Variants in TMPRSS2 observed in about 807,000 individuals in gnomAD.
The protein encoded by TMPRSS2 is transmembrane serine protease 2.
In TMPRSS2, 59 loss-of-function variants were observed where a neutral mutation model predicts 67.4. The observed-to-expected ratio is 0.88, with a 90% CI of 0.71 to 1.09. The LOEUF (loss-of-function observed/expected upper bound fraction) is 1.09. Ranked by LOEUF, TMPRSS2 falls within the 50% of genes least tolerant of loss-of-function variation. The probability of loss-of-function intolerance (pLI) is 0.00; values close to 1 mark genes in which losing one functional copy is unlikely to be tolerated. For missense variants in TMPRSS2, 668 were observed against 642.7 expected (o/e 1.04, Z -0.43); for synonymous variants, 257 against 257.0 (o/e 1.00, Z 0.00).
At chr21:41,498,435 A>G (rs951711094) in intron 1 of TMPRSS2, among the ~76,000 whole-genome samples, 1 of 152,170 alleles carries the variant, frequency 6.6e-6, no homozygotes, top group Non-Finnish European at 1.5e-5. Flanking sequence ...CAGAGTGGGT[A>G]GGAGGATGGG....
chr21:41,498,253 G>A (rs2146494931), intron 1 of TMPRSS2, 64 bp from the exon 2 acceptor site: 4 of 1,126,096 alleles, frequency 3.6e-6, no homozygotes, highest in Non-Finnish European at 5.2e-6. Context: ...AGATAAATCT[G>A]GAAAGAACTA....
intron 10 of TMPRSS2, 138 bp from the exon 11 acceptor site, chr21:41,470,881 T>C: frequency 1.7e-6 from 1 of 580,896 alleles, no homozygotes. Context: ...AAGTCCCACA[T>C]TCTCACTTTC....
intron 1 of TMPRSS2, among the ~76,000 whole-genome samples, chr21:41,501,772 A>T (rs374761841): frequency 6.6e-6 from 1 of 152,230 alleles, no homozygotes; most frequent in African/African-American, 2.4e-5. Flanking sequence ...CATCTTCAAA[A>T]CAGGCATTTC....
chr21:41,501,750 T>C (rs2091426115), intron 1 of TMPRSS2, among the ~76,000 whole-genome samples: 1 of 152,088 alleles, frequency 6.6e-6, no homozygotes, highest in South Asian at 2.1e-4. Context: ...GGAAATCACA[T>C]TCAGTCCTGT....
chr21:41,467,980 C>A, intron 12 of TMPRSS2, 94 bp from the exon 13 acceptor site: 2 of 1,437,788 alleles, frequency 1.4e-6, no homozygotes, highest in South Asian at 2.5e-5. Flanking sequence ...GGGCGGGGGT[C>A]GCAGTGTGAG....
In TMPRSS2 at chr21:41,473,306, C is replaced by T. The variant is rs752897466; in HGVS notation, c.899+19G>A. On this transcript the variant is annotated intron_variant, in intron 9 of 13. Coordinates refer to ENST00000332149, the MANE Select transcript of TMPRSS2 (RefSeq NM_005656.4). ...GCCAGCCCTGAGCCCCCACCCGGCC[C>T]GCGCCGCCCCTGGCATACTTTTCCA... 3.0e-5 allele frequency: 47 copies of T among 1,563,966 alleles called. No individual in the cohort carries two copies. The highest frequency in any genetic ancestry group is 2.3e-4 in the Middle Eastern group (1 of 4,422).
At position 41,493,330 on chromosome 21, in the gene TMPRSS2, G is replaced by A. The variant is rs952200576; in HGVS notation, c.238+1026C>T. Among the ~76,000 whole-genome samples the A allele has an allele frequency of 3.3e-5, 5 of 152,286 alleles. No homozygotes were observed. The East Asian group carries it at 7.7e-4, about 24-fold the overall frequency. Reference sequence around the variant, plus strand: ...CTCAGAGACAGGAGGTGGCTGGAGAGGAACAGGGTGGAAGAGCCATTTGTG... The same window carrying A: ...CTCAGAGACAGGAGGTGGCTGGAGAAGAACAGGGTGGAAGAGCCATTTGTG... On this transcript the variant is annotated intron_variant, in intron 3 of 13. Coordinates refer to ENST00000332149, the MANE Select transcript of TMPRSS2 (RefSeq NM_005656.4).
At chr21:41,502,754 A>G (rs2091432678) in intron 1 of TMPRSS2, among the ~76,000 whole-genome samples, 1 of 152,324 alleles carries the variant, frequency 6.6e-6, no homozygotes, top group South Asian at 2.1e-4. Context: ...CTACTGAGAG[A>G]GAAAGGTTGA....
In TMPRSS2 at chr21:41,467,877, C is replaced by T. The variant is rs1386863611; in HGVS notation, c.1324G>A (p.Gly442Arg). Residue 442 changes from glycine to arginine, a missense_variant, in exon 13 of 14, where the codon GGA becomes AGA. By Grantham distance (125) the Gly-to-Arg change is moderately radical. Transcript: ENST00000332149. ...TTCTTCGAAGTGACCAGAGGCCCTC[C>T]ACTGTCACCCTGTGGGACACAGCAA... ...GNVDSCQGDS[G>R]GPLVTSKNNI... The T allele has an allele frequency of 1.2e-6, 2 of 1,614,206 alleles. No homozygotes were observed. Among genetic ancestry groups the T allele is most frequent in the Non-Finnish European group, 1.7e-6 (2 of 1,180,036 alleles).
intron 11 of TMPRSS2, 110 bp from the exon 12 acceptor site, chr21:41,468,648 C>T (rs1569008814): frequency 2.3e-6 from 3 of 1,310,866 alleles, no homozygotes; most frequent in South Asian, 1.4e-5. Flanking sequence ...GGTCACAGCC[C>T]TATTTTCCAG....
chr21:41,469,020 C>T (rs1240573409), intron 11 of TMPRSS2, among the ~76,000 whole-genome samples: 2 of 152,164 alleles, frequency 1.3e-5, no homozygotes, highest in Non-Finnish European at 2.9e-5. Flanking sequence ...GCACTTGCCA[C>T]CTCTGCATTT....
Position 41,464,937 on chromosome 21 carries a change from G to A in TMPRSS2, c.*1205C>T, listed in dbSNP as rs2091072670. Reference sequence around the variant, plus strand: ...TGGTAGAGTAGTGCTCATGGTTATGGCACTTGGCAATGCAAAAGGGACCCT... The same window carrying A: ...TGGTAGAGTAGTGCTCATGGTTATGACACTTGGCAATGCAAAAGGGACCCT... On this transcript the variant is annotated 3_prime_UTR_variant, in exon 14 of 14. Transcript: ENST00000332149. The A allele has an allele frequency of 4.3e-6, 1 of 233,282 alleles. No individual in the cohort carries two copies. The highest frequency in any genetic ancestry group is 6.0e-5 in the East Asian group (1 of 16,584). 14.5% of individuals were successfully genotyped at this position (233,282 alleles called of 1,614,324 possible). A position where few individuals can be genotyped will look rare whatever the true frequency, so the allele number is the denominator to read the frequency against.
Position 41,498,193 on chromosome 21 carries a change from G to C in TMPRSS2, c.-56-4C>G, listed in dbSNP as rs768219829. 3 of 1,600,746 alleles carry C rather than the reference G, an allele frequency of 1.9e-6. No homozygotes were observed. The Admixed American group carries it at 5.0e-5, about 27-fold the overall frequency. On this transcript the variant is annotated splice_region_variant and splice_polypyrimidine_tract_variant and intron_variant, in intron 1 of 13. Coordinates refer to ENST00000332149, the MANE Select transcript of TMPRSS2 (RefSeq NM_005656.4). ...TATCTGGAATGTTCAATATGACCTA[G>C]AAGAAAGAATTACAGGACTGTAATA...
intron 10 of TMPRSS2, 88 bp from the exon 11 acceptor site, chr21:41,470,831 G>GCACCCTGGC: frequency 9.1e-7 from 1 of 1,100,188 alleles, no homozygotes; most frequent in Non-Finnish European, 1.3e-6. Flanking sequence ...GCTGGGCCTG[G>GCACCCTGGC]CACCCTGGCC....
At position 41,478,179 on chromosome 21, in the gene TMPRSS2, C is replaced by G. The variant is rs2091230580; in HGVS notation, c.683+993G>C. On this transcript the variant is annotated intron_variant, in intron 7 of 13. Coordinates refer to ENST00000332149, the MANE Select transcript of TMPRSS2 (RefSeq NM_005656.4). The surrounding 1 kb of genome is among the most constrained non-coding windows in gnomAD (Gnocchi z 4.0). Reference sequence around the variant, plus strand: ...GGTGCACCTGGCCGTGCACAGCCCTCCCCACTGGGCTTGCCCTGCCACATT... The same window carrying G: ...GGTGCACCTGGCCGTGCACAGCCCTGCCCACTGGGCTTGCCCTGCCACATT... Among the ~76,000 whole-genome samples, 2 of 152,230 alleles carry G rather than the reference C, an allele frequency of 1.3e-5. No homozygotes were observed. The highest frequency in any genetic ancestry group is 2.9e-5 in the Non-Finnish European group (2 of 68,036).
Position 41,489,612 on chromosome 21 carries a change from T to A in TMPRSS2, c.239-19A>T. The A allele has an allele frequency of 6.3e-7, 1 of 1,590,146 alleles. No individual in the cohort carries two copies. Among genetic ancestry groups the A allele is most frequent in the South Asian group, 1.1e-5 (1 of 90,498 alleles). On this transcript the variant is annotated intron_variant, in intron 3 of 13. Coordinates refer to ENST00000332149, the MANE Select transcript of TMPRSS2 (RefSeq NM_005656.4). ...TTAGTCTCTGGAAGAAGGAGGAGAG[T>A]GCAACGTTCAGACCAGAGTTGTTTA...
chr21:41,483,233 T>C (rs2091269658), intron 5 of TMPRSS2, among the ~76,000 whole-genome samples: 1 of 152,168 alleles, frequency 6.6e-6, no homozygotes, highest in Admixed American at 6.5e-5. Flanking sequence ...TCTGTAAACC[T>C]AAAACCGCTC....
At chr21:41,468,344 G>A (rs1323308965) in intron 12 of TMPRSS2, 52 bp downstream of exon 12, 2 of 1,603,266 alleles carry the variant, frequency 1.2e-6, no homozygotes, top group East Asian at 4.5e-5. Flanking sequence ...TCTCATGGGG[G>A]GTTCAGTAGG....
At chr21:41,503,070 C>A (rs1026323167) in intron 1 of TMPRSS2, among the ~76,000 whole-genome samples, 1 of 152,126 alleles carries the variant, frequency 6.6e-6, no homozygotes, top group African/African-American at 2.4e-5. Flanking sequence ...TATATACCAA[C>A]AACAGACGAT....
Sources: allele counts gnomAD v4.1 joint callset (sites outside exome capture counted in the v4.1 genomes callset), GRCh38; gene constraint gnomAD v4.1.1; non-coding constraint Gnocchi (gnomAD v3.1); transcripts MANE v1.5; gene names NCBI Gene and HGNC (gene_info 2026-07-23, HGNC 2026-07-21).